Variants in CSMD1 observed in about 807,000 individuals in gnomAD.
CSMD1 encodes CUB and Sushi multiple domains 1, also known as CUB and sushi domain-containing protein 1.
A neutral mutation model predicts 417.5 loss-of-function variants in CSMD1; 213 were observed. The observed-to-expected ratio is 0.51, with a 90% CI of 0.46 to 0.57. CSMD1 has a LOEUF of 0.57. Ranked by LOEUF, CSMD1 falls within the 20% of genes least tolerant of loss-of-function variation. The pLI is 0.00. For missense variants in CSMD1, 6,923 were observed against 4,529.7 expected, an observed-to-expected ratio of 1.53 and a Z score of -15.17; for synonymous variants, 2,862 against 1,736.8, an observed-to-expected ratio of 1.65 and a Z score of -16.11.
intron 5 of CSMD1, among the ~76,000 whole-genome samples, chr8:3,937,512 A>C (rs773057796): frequency 1.3e-5 from 2 of 152,146 alleles, no homozygotes; most frequent in Non-Finnish European, 2.9e-5. Flanking sequence ...TTGAAGGTTT[A>C]GATGATTGTA....
At chr8:3,213,759 GTA>G (rs1163661714) in intron 30 of CSMD1, among the ~76,000 whole-genome samples, 3 of 150,102 alleles carry the variant, frequency 2.0e-5, no homozygotes, top group African/African-American at 4.9e-5. Context: ...GTGTGTGTAT[GTA>G]TATATATGTG....
In CSMD1 at chr8:3,239,187, T is replaced by C. The variant is rs143768105; in HGVS notation, c.4154-8956A>G. On this transcript the variant is annotated intron_variant, in intron 26 of 69. Transcript: ENST00000635120. ...GGTTTTAAAAGACCATTAGTCCGTT[T>C]TACCTTTCCTAAATACTGAGGAGCG... 7.9e-5 allele frequency among the ~76,000 whole-genome samples: 12 copies of C among 152,310 alleles called. No homozygotes were observed. In the East Asian group the frequency reaches 2.3e-3, roughly 29 times the overall value.
intron 12 of CSMD1, among the ~76,000 whole-genome samples, chr8:3,426,196 G>C (rs1439419301): frequency 2.0e-5 from 3 of 152,174 alleles, no homozygotes; most frequent in Non-Finnish European, 4.4e-5. Flanking sequence ...CATGTGAGGA[G>C]CTGTATTAGA....
At chr8:3,869,111 G>C (rs1294690858) in intron 5 of CSMD1, among the ~76,000 whole-genome samples, 2 of 152,112 alleles carry the variant, frequency 1.3e-5, no homozygotes, top group Non-Finnish European at 2.9e-5. Context: ...CACTCTCCTT[G>C]TTCACAAGCC....
At chr8:4,836,363 C>T (rs1338059020) in intron 1 of CSMD1, among the ~76,000 whole-genome samples, 1 of 152,132 alleles carries the variant, frequency 6.6e-6, no homozygotes, top group African/African-American at 2.4e-5. Context: ...TATGTGGAGC[C>T]ATGCCACATC....
intron 3 of CSMD1, among the ~76,000 whole-genome samples, chr8:4,276,698 T>C (rs941682116): frequency 6.6e-6 from 1 of 152,222 alleles, no homozygotes; most frequent in Non-Finnish European, 1.5e-5. Context: ...AGTCTTTAGT[T>C]CCAGTGGGAT....
intron 3 of CSMD1, among the ~76,000 whole-genome samples, chr8:4,387,115 G>A (rs970413460): frequency 6.6e-6 from 1 of 152,168 alleles, no homozygotes; most frequent in Non-Finnish European, 1.5e-5. Flanking sequence ...TAAATGGAAA[G>A]TTTCTGTAAA....
At chr8:3,473,760 G>C (rs749764650) in intron 11 of CSMD1, among the ~76,000 whole-genome samples, 115 of 152,250 alleles carry the variant, frequency 7.6e-4, no homozygotes, top group Non-Finnish European at 1.3e-4. Flanking sequence ...GGGTGTATCA[G>C]TCTACTCTCA....
rs915488035 is a variant in CSMD1, at chr8:3,387,423, C to A, written c.2782+71G>T. 9.8e-6 allele frequency: 13 copies of A among 1,327,820 alleles called. No homozygotes were observed. The African/African-American group carries it at 1.6e-4, about 16-fold the overall frequency. 82.3% of individuals were successfully genotyped at this position (1,327,820 alleles called of 1,614,324 possible). On this transcript the variant is annotated intron_variant, in intron 18 of 69. Transcript: ENST00000635120. The stretch of plus-strand genomic sequence containing the variant: ...ACCACCCCCTGAAATACACACACCA[C>A]CCAGCTAGTTAGACGTGTGCGCTGT...
intron 3 of CSMD1, among the ~76,000 whole-genome samples, chr8:4,385,432 T>C (rs998172174): frequency 6.6e-6 from 1 of 152,232 alleles, no homozygotes; most frequent in Admixed American, 6.5e-5. Context: ...TGATTTCACT[T>C]AGTACATGTT....
Position 3,284,127 on chromosome 8 carries a change from C to A in CSMD1, c.4153+17G>T. On this transcript the variant is annotated intron_variant, in intron 26 of 69. Coordinates refer to ENST00000635120, the MANE Select transcript of CSMD1 (RefSeq NM_033225.6). ...CTTTGATATCAAGGTAAAGAAGAAG[C>A]ACGCTGTGCCACCTACTGGAGAACT... 6.5e-7 allele frequency: 1 copy of A among 1,545,790 alleles called. No homozygotes were observed. The highest frequency in any genetic ancestry group is 1.7e-4 in the Middle Eastern group (1 of 5,990).
rs369711658 is a variant in CSMD1 at position 3,859,317 on chromosome 8, C to T, written c.819-105275G>A. ...CTATCCATGGCAACCTACATTCGCT[C>T]GGCCTATTTTTTGTCACTTTCATTC... On this transcript the variant is annotated intron_variant, in intron 5 of 69. Coordinates refer to ENST00000635120, the MANE Select transcript of CSMD1 (RefSeq NM_033225.6). Among the ~76,000 whole-genome samples the T allele has an allele frequency of 2.0e-4, 30 of 152,302 alleles. No individual in the cohort carries two copies. In the South Asian group the frequency reaches 4.4e-3, roughly 22 times the overall value.
At chr8:4,328,319 G>C (rs181974755) in intron 3 of CSMD1, among the ~76,000 whole-genome samples, 87 of 144,766 alleles carry the variant, frequency 6.0e-4, no homozygotes, top group African/African-American at 2.2e-3. Context: ...ACTCAGTTAA[G>C]TCAACTGTGC....
chr8:4,478,810 GA>G (rs1328550647), intron 2 of CSMD1, among the ~76,000 whole-genome samples: 4 of 152,090 alleles, frequency 2.6e-5, no homozygotes, highest in African/African-American at 9.7e-5. Context: ...ATTCTTTGGA[GA>G]ATAGTTTCAA....
intron 1 of CSMD1, among the ~76,000 whole-genome samples, chr8:4,860,488 A>G (rs934849114): frequency 3.3e-5 from 5 of 151,704 alleles, no homozygotes; most frequent in African/African-American, 9.7e-5. Flanking sequence ...TGGCTCCCTC[A>G]TCATCTTTTA....
chr8:3,739,776 G>C (rs924048979), intron 6 of CSMD1, among the ~76,000 whole-genome samples: 4 of 104,056 alleles, frequency 3.8e-5, no homozygotes, highest in African/African-American at 1.3e-4. Context: ...AGTCAGCTGA[G>C]ATCAATGGAA....
intron 25 of CSMD1, among the ~76,000 whole-genome samples, chr8:3,289,530 A>C (rs933369143): frequency 6.8e-6 from 1 of 146,076 alleles, no homozygotes; most frequent in Non-Finnish European, 1.5e-5. Context: ...AACTGGTGTG[A>C]GATGGTATCT....
intron 3 of CSMD1, among the ~76,000 whole-genome samples, chr8:4,323,902 G>A (rs768287315): frequency 3.3e-5 from 5 of 152,126 alleles, no homozygotes; most frequent in Non-Finnish European, 5.9e-5. Context: ...GAGTCTTGGA[G>A]TTCTGAGCCT....
intron 1 of CSMD1, among the ~76,000 whole-genome samples, chr8:4,683,930 C>T (rs1216817234): frequency 6.6e-6 from 1 of 152,068 alleles, no homozygotes; most frequent in Non-Finnish European, 1.5e-5. Flanking sequence ...ATGTCATATA[C>T]AAGAAGAGTT....
Sources: allele counts gnomAD v4.1 joint callset (sites outside exome capture counted in the v4.1 genomes callset), GRCh38; gene constraint gnomAD v4.1.1; transcripts MANE v1.5; gene names NCBI Gene and HGNC (gene_info 2026-07-23, HGNC 2026-07-21).